Variants in NKAIN3 observed in about 807,000 individuals in gnomAD.
NKAIN3 encodes the protein sodium/potassium-transporting ATPase subunit beta-1-interacting protein 3.
In NKAIN3, 25 loss-of-function variants were observed where a neutral mutation model predicts 30.2. The observed-to-expected ratio is 0.83, with a 90% CI of 0.60 to 1.16. The LOEUF (loss-of-function observed/expected upper bound fraction) is 1.16, where lower values mean the gene tolerates loss of function less well. NKAIN3 is among the 50% of genes most tolerant of loss of function. The probability of loss-of-function intolerance (pLI) is 0.00; values close to 1 mark genes in which losing one functional copy is unlikely to be tolerated. For synonymous variants in NKAIN3, 91 were observed against 89.6 expected (o/e 1.02, Z -0.09); for missense variants, 225 against 254.1 (o/e 0.89, Z 0.78).
At chr8:62,739,267 G>GA (rs574237070) in intron 3 of NKAIN3, among the ~76,000 whole-genome samples, 49 of 147,170 alleles carry the variant, frequency 3.3e-4, no homozygotes, top group African/African-American at 8.7e-4. Context: ...TATAATTTAC[G>GA]AAAAAAAAAA....
chr8:62,721,140 C>T (rs1017056825), intron 3 of NKAIN3, among the ~76,000 whole-genome samples: 1 of 152,150 alleles, frequency 6.6e-6, no homozygotes, highest in Non-Finnish European at 1.5e-5. Context: ...AGTAAAATAT[C>T]CCTGTAGCAG....
chr8:62,941,467 A>G (rs1412784530), intron 5 of NKAIN3, among the ~76,000 whole-genome samples: 1 of 151,912 alleles, frequency 6.6e-6, no homozygotes, highest in East Asian at 1.9e-4. Flanking sequence ...AACAAAAACT[A>G]CAGACCAATA....
chr8:62,820,942 G>C (rs1005438777), intron 4 of NKAIN3, among the ~76,000 whole-genome samples: 3 of 152,230 alleles, frequency 2.0e-5, no homozygotes, highest in Admixed American at 2.0e-4. Flanking sequence ...CTTCCTGGTA[G>C]TTTATATTCT....
At chr8:62,913,968 T>C (rs1308112562) in intron 4 of NKAIN3, among the ~76,000 whole-genome samples, 1 of 152,148 alleles carries the variant, frequency 6.6e-6, no homozygotes, top group African/African-American at 2.4e-5. Flanking sequence ...AGAACTACCA[T>C]GAAACCCAGC....
At chr8:62,821,027 T>C (rs567671240) in intron 4 of NKAIN3, among the ~76,000 whole-genome samples, 2 of 152,284 alleles carry the variant, frequency 1.3e-5, no homozygotes, top group African/African-American at 2.4e-5. Flanking sequence ...TGTGAGACAG[T>C]TGCAAAATTC....
chr8:62,565,232 C>G (rs148918808), intron 1 of NKAIN3, among the ~76,000 whole-genome samples: 1 of 151,732 alleles, frequency 6.6e-6, no homozygotes, highest in Non-Finnish European at 1.5e-5. Flanking sequence ...CCTATAATAT[C>G]GGACACTTCA....
At chr8:62,566,201 T>A (rs994945495) in intron 1 of NKAIN3, among the ~76,000 whole-genome samples, 2 of 152,198 alleles carry the variant, frequency 1.3e-5, no homozygotes, top group African/African-American at 4.8e-5. Context: ...AGAATAGTGT[T>A]CAACAGCAGC....
At chr8:62,524,118 T>C (rs1189364307) in intron 1 of NKAIN3, among the ~76,000 whole-genome samples, 1 of 151,912 alleles carries the variant, frequency 6.6e-6, no homozygotes, top group African/African-American at 2.4e-5. Context: ...TTAATGGCAT[T>C]GATAAAACCA....
At chr8:62,657,031 A>G (rs1342140038) in intron 3 of NKAIN3, among the ~76,000 whole-genome samples, 2 of 152,202 alleles carry the variant, frequency 1.3e-5, no homozygotes, top group Non-Finnish European at 2.9e-5. Flanking sequence ...AGATGAGGCT[A>G]TGTTACAGTT....
chr8:62,881,022 A>G (rs1297979166), intron 4 of NKAIN3, among the ~76,000 whole-genome samples: 2 of 152,158 alleles, frequency 1.3e-5, no homozygotes, highest in Non-Finnish European at 2.9e-5. Flanking sequence ...ATGACCGTAA[A>G]ACTGTTCTAA....
chr8:62,416,419 G>C (rs999229180), intron 1 of NKAIN3, among the ~76,000 whole-genome samples: 4 of 152,080 alleles, frequency 2.6e-5, no homozygotes, highest in African/African-American at 9.7e-5. Context: ...GTCTCCTAAT[G>C]TGTCTCCTTT....
chr8:62,550,406 C>T (rs961483208), intron 1 of NKAIN3, among the ~76,000 whole-genome samples: 3 of 152,026 alleles, frequency 2.0e-5, no homozygotes, highest in Non-Finnish European at 2.9e-5. Context: ...GGATTGTGCG[C>T]GTGTGCGCGT....
chr8:62,601,606 G>A (rs1398159341), intron 3 of NKAIN3, among the ~76,000 whole-genome samples: 1 of 151,946 alleles, frequency 6.6e-6, no homozygotes, highest in Non-Finnish European at 1.5e-5. Flanking sequence ...GAATATTTTT[G>A]TCTATAATAT....
At chr8:62,339,107 A>G (rs188051767) in intron 1 of NKAIN3, among the ~76,000 whole-genome samples, 3 of 152,162 alleles carry the variant, frequency 2.0e-5, no homozygotes, top group East Asian at 1.9e-4. Flanking sequence ...CACTAGGAAG[A>G]ATGTTCCAGA....
chr8:62,780,584 T>A (rs1352171050), intron 4 of NKAIN3, among the ~76,000 whole-genome samples: 7 of 151,942 alleles, frequency 4.6e-5, no homozygotes, highest in African/African-American at 1.7e-4. Context: ...AAAAATAATA[T>A]ACCATGATCA....
chr8:62,508,340 C>A (rs1807709096), intron 1 of NKAIN3, among the ~76,000 whole-genome samples: 1 of 152,140 alleles, frequency 6.6e-6, no homozygotes, highest in Non-Finnish European at 1.5e-5. Flanking sequence ...TGCTTTAGAC[C>A]CATTCTTGCC....
chr8:62,250,868 T>C (rs1483175), intron 1 of NKAIN3, among the ~76,000 whole-genome samples: 88,319 of 151,954 alleles, frequency 0.58, 26,052 homozygotes, highest in Non-Finnish European at 0.64. Context: ...AAATCCCTTA[T>C]ATTCCTATAA....
At chr8:62,624,896 G>A (rs2130243700) in intron 3 of NKAIN3, among the ~76,000 whole-genome samples, 1 of 151,620 alleles carries the variant, frequency 6.6e-6, no homozygotes, top group Non-Finnish European at 1.5e-5. Context: ...CTACCAGTGA[G>A]TCCATAAAAA....
chr8:62,787,758 C>T (rs1245340584), intron 4 of NKAIN3, among the ~76,000 whole-genome samples: 2 of 152,038 alleles, frequency 1.3e-5, no homozygotes, highest in African/African-American at 4.8e-5. Context: ...CAATTCCCAC[C>T]TATGAGTGAG....
Sources: gnomAD v4.1 joint callset for allele counts (sites outside exome capture counted in the v4.1 genomes callset) on GRCh38, gnomAD v4.1.1 for gene constraint, MANE v1.5 for transcripts, NCBI Gene and HGNC (gene_info 2026-07-23, HGNC 2026-07-21) for gene names.